TACC2: variants seen among roughly 807,000 people sequenced by gnomAD.
TACC2 encodes the protein transforming acidic coiled-coil containing protein 2, also known as transforming acidic coiled-coil-containing protein 2.
A neutral mutation model predicts 227.3 loss-of-function variants in TACC2; 137 were observed. That is an observed-to-expected ratio of 0.60 (90% CI 0.52 to 0.69). TACC2 has a LOEUF of 0.69. Ranked by LOEUF, TACC2 falls within the 30% of genes least tolerant of loss-of-function variation. The pLI is 0.00. For synonymous variants in TACC2, 1,523 were observed against 1,487.5 expected, an observed-to-expected ratio of 1.02 and a Z score of -0.55; for missense variants, 3,470 against 3,694.4, an observed-to-expected ratio of 0.94 and a Z score of 1.57.
intron 7 of TACC2, chr10:122,192,824 G>A: frequency 2.2e-6 from 1 of 455,698 alleles, no homozygotes; most frequent in Non-Finnish European, 4.4e-6. Flanking sequence ...TATCTTGTCA[G>A]TGTTGCTCAT....
At chr10:122,164,297 T>G (rs2093014324) in intron 7 of TACC2, among the ~76,000 whole-genome samples, 1 of 152,194 alleles carries the variant, frequency 6.6e-6, no homozygotes. Flanking sequence ...CAGTGGTATT[T>G]CCTGCAAGGG....
chr10:122,145,398 G>A (rs2091243317), intron 7 of TACC2, among the ~76,000 whole-genome samples: 1 of 121,726 alleles, frequency 8.2e-6, no homozygotes, highest in Non-Finnish European at 2.0e-5. Context: ...ATTAGGCTAA[G>A]TGAGAAAGAC....
Position 122,083,970 on chromosome 10 carries a change from T to C in TACC2, c.1470T>C (p.Pro490=). 2.5e-6 allele frequency: 4 copies of C among 1,613,968 alleles called. No individual in the cohort carries two copies. The highest frequency in any genetic ancestry group is 3.4e-6 in the Non-Finnish European group (4 of 1,179,986). Reference sequence around the variant, plus strand: ...CAGAAGGGGACCCTGGAGAGGTTCCTGCCCCATCACCCCAGGAGAGGGGAG... The same window carrying C: ...CAGAAGGGGACCCTGGAGAGGTTCCCGCCCCATCACCCCAGGAGAGGGGAG... ...EHPEGDPGEV[P]APSPQERGEH... The change falls in exon 4 of 23, where the codon CCT becomes CCC. Residue 490 remains proline (P), a synonymous_variant. Coordinates refer to ENST00000369005, the MANE Select transcript of TACC2 (RefSeq NM_206862.4).
Position 122,151,573 on chromosome 10 carries a change from T to C in TACC2, c.5834+7867T>C, listed in dbSNP as rs537635297. Reference sequence around the variant, plus strand: ...CCTGCAGCCAGACTGGGGAGTTTGCTGGTGCCAAAGAAGTGCAAAGAAACA... The same window carrying C: ...CCTGCAGCCAGACTGGGGAGTTTGCCGGTGCCAAAGAAGTGCAAAGAAACA... On this transcript the variant is annotated intron_variant, in intron 7 of 22. Transcript: ENST00000369005. 4.6e-5 allele frequency among the ~76,000 whole-genome samples: 7 copies of C among 152,180 alleles called. 1 individual carries two copies. The South Asian group carries it at 1.5e-3, about 32-fold the overall frequency.
Position 122,009,082 on chromosome 10 carries a change from C to G in TACC2, c.-45-12855C>G, listed in dbSNP as rs372740328. Among the ~76,000 whole-genome samples, 3 of 152,228 alleles carry G rather than the reference C, an allele frequency of 2.0e-5. No individual in the cohort carries two copies. In the East Asian group the frequency reaches 5.8e-4, roughly 29 times the overall value. On this transcript the variant is annotated intron_variant, in intron 1 of 22. Transcript: ENST00000369005. The stretch of plus-strand genomic sequence containing the variant: ...GAACTGGGTCTACCTTTGTTCTCTA[C>G]AAACACTTGTGGTAGGGTGAGGGCA...
intron 16 of TACC2, 121 bp from the exon 17 acceptor site, chr10:122,237,274 C>T: frequency 5.1e-6 from 5 of 980,118 alleles, no homozygotes; most frequent in Non-Finnish European, 7.3e-6. Context: ...CTTTCTCATA[C>T]TTTTGATGTT....
At chr10:122,073,916 A>G (rs1228408508) in intron 3 of TACC2, among the ~76,000 whole-genome samples, 1 of 151,970 alleles carries the variant, frequency 6.6e-6, no homozygotes, top group East Asian at 1.9e-4. Flanking sequence ...AGTAGCTGGG[A>G]CTACAGGCAC....
chr10:122,092,142 G>A (rs1319377270), intron 5 of TACC2, among the ~76,000 whole-genome samples: 1 of 152,216 alleles, frequency 6.6e-6, no homozygotes, highest in African/African-American at 2.4e-5. Flanking sequence ...TGGGATCTCA[G>A]TCTGTTCTCC....
chr10:122,189,654 C>G (rs561183949), intron 7 of TACC2, among the ~76,000 whole-genome samples: 1 of 152,304 alleles, frequency 6.6e-6, no homozygotes, highest in East Asian at 1.9e-4. Context: ...AAGGAATTGA[C>G]CTGGATTCGA....
intron 7 of TACC2, chr10:122,192,836 A>G (rs1470760837): frequency 2.2e-6 from 1 of 452,578 alleles, no homozygotes; most frequent in East Asian, 7.0e-5. Context: ...GTTGCTCATG[A>G]TGGTGCAGTG....
intron 8 of TACC2, among the ~76,000 whole-genome samples, chr10:122,199,406 G>A (rs560648068): frequency 3.3e-5 from 5 of 152,296 alleles, no homozygotes; most frequent in South Asian, 2.1e-4. Flanking sequence ...TCTGGTTTTC[G>A]TATACACTGT....
chr10:122,235,093 T>A (rs1429631203), intron 16 of TACC2, among the ~76,000 whole-genome samples: 4 of 152,226 alleles, frequency 2.6e-5, no homozygotes, highest in African/African-American at 4.8e-5. Flanking sequence ...TTTGCCTTTT[T>A]AAAATTTTTT....
chr10:122,211,433 C>T lies in TACC2; in HGVS notation c.7008C>T (p.Thr2336=), dbSNP rs2095290495. ...NDIPIAKGTY[T]FDIDKWDDPN... ...TCCCCATTGCTAAAGGTACTTACAC[C>T]TTTGATATTGACAAGTGGGATGACC... The change falls in exon 9 of 23, where the codon ACC becomes ACT. Residue 2336 remains threonine (T), a synonymous_variant. Coordinates refer to ENST00000369005, the MANE Select transcript of TACC2 (RefSeq NM_206862.4). 3 of 1,614,032 alleles carry T rather than the reference C, an allele frequency of 1.9e-6. No individual in the cohort carries two copies. Among genetic ancestry groups the T allele is most frequent in the Non-Finnish European group, 2.5e-6 (3 of 1,180,052 alleles).
chr10:122,083,826 G>T lies in TACC2; in HGVS notation c.1326G>T (p.Arg442Ser), dbSNP rs776976997. The change falls in exon 4 of 23, where the codon AGG becomes AGT. Residue 442 changes from arginine to serine, a missense_variant. Arg to Ser is a moderately radical substitution (Grantham distance 110, BLOSUM62 -1). Around this residue, in one of 10 missense-constraint regions of TACC2, gnomAD observed 1,924 missense variants for 1,978.3 expected, o/e 0.97. Transcript: ENST00000369005. Reference sequence around the variant, plus strand: ...TAGAAGAACCTGGATCATCATCCAGGGAATCAGTTTCCAAGGCTGGGATGC... The same window carrying T: ...TAGAAGAACCTGGATCATCATCCAGTGAATCAGTTTCCAAGGCTGGGATGC... ...IAVEEPGSSS[R>S]ESVSKAGMPV... is the part of the protein sequence containing the mutation. 39 of 1,614,048 alleles carry T rather than the reference G, an allele frequency of 2.4e-5. No homozygotes were observed. The highest frequency in any genetic ancestry group is 2.8e-5 in the Non-Finnish European group (33 of 1,180,050).
At chr10:122,125,598 C>T (rs1322954624) in intron 5 of TACC2, among the ~76,000 whole-genome samples, 1 of 152,096 alleles carries the variant, frequency 6.6e-6, no homozygotes. Flanking sequence ...CTGCTTTGGG[C>T]AGGGATTCCA....
At chr10:122,049,874 G>A (rs1026728661) in intron 2 of TACC2, among the ~76,000 whole-genome samples, 1 of 152,038 alleles carries the variant, frequency 6.6e-6, no homozygotes, top group Non-Finnish European at 1.5e-5. Context: ...TCAACTAACC[G>A]GTGGACAAGC....
rs538282436 is a variant in TACC2, at chr10:122,248,509, C to T, written c.8393-134C>T. 56 of 1,049,286 alleles carry T rather than the reference C, an allele frequency of 5.3e-5. No individual in the cohort carries two copies. In the African/African-American group the frequency reaches 6.7e-4, roughly 12 times the overall value. The allele number at this position is 1,049,286 out of a possible 1,614,324, so 65.0% of individuals were successfully genotyped here. On this transcript the variant is annotated intron_variant, in intron 19 of 22. Transcript: ENST00000369005. The stretch of plus-strand genomic sequence containing the variant: ...CTGGGAGGGCTCTGGGGCGTGGGTT[C>T]GTCCCAAGGAAAAGCTGGGGTTTGA...
chr10:122,000,625 T>C (rs1199518275), intron 1 of TACC2, among the ~76,000 whole-genome samples: 1 of 152,160 alleles, frequency 6.6e-6, no homozygotes, highest in Non-Finnish European at 1.5e-5. Context: ...TATTTTATTA[T>C]GGACTTTTCA....
chr10:121,991,691 G>A (rs1018498439), intron 1 of TACC2, among the ~76,000 whole-genome samples: 15 of 152,208 alleles, frequency 9.9e-5, no homozygotes, highest in African/African-American at 3.6e-4. Flanking sequence ...GAACTGCACT[G>A]TTGTTTACAG....
Sources: gnomAD v4.1 joint callset for allele counts (sites outside exome capture counted in the v4.1 genomes callset) on GRCh38, gnomAD v4.1.1 for gene constraint, gnomAD v4.1.1 regional missense constraint, MANE v1.5 for transcripts, NCBI Gene and HGNC (gene_info 2026-07-23, HGNC 2026-07-21) for gene names.